Variants in SPEN observed in about 807,000 individuals in gnomAD.
The protein encoded by SPEN is spen family transcriptional repressor, also known as msx2-interacting protein.
A neutral mutation model predicts 269.9 loss-of-function variants in SPEN; 18 were observed. The observed-to-expected ratio is 0.07, with a 90% CI of 0.05 to 0.10. The LOEUF is 0.10. Among genes scored for constraint, SPEN ranks in the 10% least tolerant of loss-of-function variants. The probability of loss-of-function intolerance (pLI) is 1.00; values close to 1 mark genes in which losing one functional copy is unlikely to be tolerated. For synonymous variants in SPEN, 1,726 were observed against 1,765.7 expected, an observed-to-expected ratio of 0.98 and a Z score of 0.56; for missense variants, 3,822 against 4,631.2, an observed-to-expected ratio of 0.83 and a Z score of 5.07.
At position 15,939,336 on chromosome 1, in the gene SPEN, C is replaced by G. The variant is rs1451947206; in HGVS notation, c.10904C>G (p.Ser3635Cys). ...VLQIFPPCEFSESHLSRLAPD... is the reference protein window; with the variant it reads ...VLQIFPPCEFCESHLSRLAPD... Reference sequence around the variant, plus strand: ...CAGATCTTCCCGCCCTGTGAGTTCTCTGAGAGTCACCTGTCCCGCCTGGCC... The same window carrying G: ...CAGATCTTCCCGCCCTGTGAGTTCTGTGAGAGTCACCTGTCCCGCCTGGCC... Residue 3635 changes from serine (S) to cysteine (C), a missense_variant, in exon 15 of 15, where the codon TCT becomes TGT. Physicochemically the swap from Ser to Cys is moderately radical, Grantham distance 112. This residue lies in a region of SPEN where 103 missense variants were observed against 215.8 expected (regional missense o/e 0.48). Transcript: ENST00000375759. This position sits in a 1 kb window ranked among gnomAD's most constrained non-coding sequence, Gnocchi z 4.1. 1 of 1,606,382 alleles carries G rather than the reference C, an allele frequency of 6.2e-7. No homozygotes were observed.
chr1:15,932,479 C>G lies in SPEN; in HGVS notation c.6239C>G (p.Ser2080Cys). ...EKNSKSKRGR[S>C]RNSRLAVDKS... The stretch of plus-strand genomic sequence containing the variant: ...AACTCCAAATCAAAGAGAGGAAGAT[C>G]TCGAAACTCCAGGTTAGCAGTGGAC... The change falls in exon 11 of 15, where the codon TCT becomes TGT. Residue 2080 changes from serine to cysteine, a missense_variant. Ser to Cys is a moderately radical substitution (Grantham distance 112, BLOSUM62 -1). This residue lies in a region of SPEN where 727 missense variants were observed against 737.9 expected (regional missense o/e 0.99). Coordinates refer to ENST00000375759, the MANE Select transcript of SPEN (RefSeq NM_015001.3). The surrounding 1 kb of genome is among the most constrained non-coding windows in gnomAD (Gnocchi z 4.2). 6.2e-7 allele frequency: 1 copy of G among 1,611,390 alleles called. No homozygotes were observed. Among genetic ancestry groups the G allele is most frequent in the Non-Finnish European group, 8.5e-7 (1 of 1,179,078 alleles).
intron 2 of SPEN, among the ~76,000 whole-genome samples, chr1:15,875,344 T>A (rs2070620414): frequency 6.6e-6 from 1 of 152,148 alleles, no homozygotes; most frequent in Non-Finnish European, 1.5e-5. Context: ...TGTTACCTAA[T>A]TTCATCACAG....
intron 3 of SPEN, among the ~76,000 whole-genome samples, chr1:15,903,769 A>G (rs1345526170): frequency 1.3e-5 from 2 of 152,176 alleles, no homozygotes; most frequent in African/African-American, 4.8e-5. Context: ...AGCTGGGACT[A>G]TGCACTGTGC....
chr1:15,899,953 C>T (rs373273756), intron 3 of SPEN, among the ~76,000 whole-genome samples: 1 of 151,988 alleles, frequency 6.6e-6, no homozygotes, highest in East Asian at 1.9e-4. Flanking sequence ...TCAAGCAGTT[C>T]TCCTGCCTCA....
chr1:15,937,435 C>G lies in SPEN; in HGVS notation c.10299C>G (p.Ser3433=), dbSNP rs1557763882. The change falls in exon 12 of 15, where the codon TCC becomes TCG. Residue 3433 remains serine, a synonymous_variant. Transcript: ENST00000375759. This position sits in a 1 kb window ranked among gnomAD's most constrained non-coding sequence, Gnocchi z 5.7. The stretch of plus-strand genomic sequence containing the variant: ...AAACAGGCCCGACTTCCTTCCCCTC[C>G]CCTGTGTCTGTCTCCATGAAGCCTG... The part of the protein sequence containing the change: ...QAETGPTSFP[S]PVSVSMKPDL... The G allele has an allele frequency of 5.6e-6, 9 of 1,613,840 alleles. No homozygotes were observed. Among genetic ancestry groups the G allele is most frequent in the Middle Eastern group, 1.7e-4 (1 of 6,060 alleles).
rs1193817785 is a variant in SPEN at position 15,875,039 on chromosome 1, C to T, written c.405-1163C>T. Reference sequence around the variant, plus strand: ...TCTAATTCTTTATGTTTCATGATTCCTTAATCCCTTTTGATAGAAGATAGA... The same window carrying T: ...TCTAATTCTTTATGTTTCATGATTCTTTAATCCCTTTTGATAGAAGATAGA... On this transcript the variant is annotated intron_variant, in intron 2 of 14. Transcript: ENST00000375759. Among the ~76,000 whole-genome samples, 4 of 151,950 alleles carry T rather than the reference C, an allele frequency of 2.6e-5. No homozygotes were observed. In the East Asian group the frequency reaches 7.7e-4, roughly 29 times the overall value.
At position 15,934,368 on chromosome 1, in the gene SPEN, CCAGTGAACGCCACGGTGGGCA is replaced by C. The variant is rs758259669; in HGVS notation, c.8136_8156del (p.Thr2714_Ala2720del). 6.2e-6 allele frequency: 10 copies of C among 1,613,478 alleles called. No individual in the cohort carries two copies. In the African/African-American group the frequency reaches 1.3e-4, roughly 22 times the overall value. ...GGGGCCAGTGAATGTTCTCACCACT[CCAGTGAACGCCACGGTGGGCA>C]CAGTGAATGCCGCCCCAGGCACAGT... On this transcript the variant is annotated inframe_deletion, in exon 11 of 15. Transcript: ENST00000375759. This position sits in a 1 kb window ranked among gnomAD's most constrained non-coding sequence, Gnocchi z 9.2.
At chr1:15,849,771 G>A (rs1239733432) in intron 1 of SPEN, among the ~76,000 whole-genome samples, 1 of 152,042 alleles carries the variant, frequency 6.6e-6, no homozygotes, top group African/African-American at 2.4e-5. Flanking sequence ...CTCGAGTATC[G>A]TCAGTGTTTT....
intron 1 of SPEN, among the ~76,000 whole-genome samples, chr1:15,849,385 G>A (rs966257220): frequency 6.6e-6 from 1 of 152,256 alleles, no homozygotes; most frequent in Non-Finnish European, 1.5e-5. Flanking sequence ...AGCGGCGGCG[G>A]AGCTCCTGTC....
intron 3 of SPEN, among the ~76,000 whole-genome samples, chr1:15,893,775 G>A (rs1359829464): frequency 6.6e-6 from 1 of 152,110 alleles, no homozygotes; most frequent in African/African-American, 2.4e-5. Context: ...AGTGGCTCCC[G>A]CCGTAATCCC....
At chr1:15,918,602 T>C (rs2071088216) in intron 6 of SPEN, among the ~76,000 whole-genome samples, 1 of 152,258 alleles carries the variant, frequency 6.6e-6, no homozygotes, top group African/African-American at 2.4e-5. Flanking sequence ...TTTCATTAAA[T>C]AGCCTGCCTT....
rs1177361418 is a variant in SPEN at position 15,931,450 on chromosome 1, C to T, written c.5210C>T (p.Thr1737Ile). 3.1e-6 allele frequency: 5 copies of T among 1,614,170 alleles called. No homozygotes were observed. The African/African-American group carries it at 6.7e-5, about 22-fold the overall frequency. ...CCTTATCTGGATGCCAAGCCTCCAA[C>T]TCCCGGGGCCTCGTTTTCCCAGGCA... is the stretch of plus-strand genomic sequence containing the variant. ...QPPYLDAKPP[T>I]PGASFSQAES... is the part of the protein sequence containing the mutation. Residue 1737 changes from threonine to isoleucine, a missense_variant, in exon 11 of 15, where the codon ACT (threonine) becomes ATT (isoleucine). By Grantham distance (89) the Thr-to-Ile change is moderately conservative. Coordinates refer to ENST00000375759, the MANE Select transcript of SPEN (RefSeq NM_015001.3). This position sits in a 1 kb window ranked among gnomAD's most constrained non-coding sequence, Gnocchi z 4.8.
At chr1:15,860,996 C>T (rs550215720) in intron 1 of SPEN, among the ~76,000 whole-genome samples, 1 of 152,140 alleles carries the variant, frequency 6.6e-6, no homozygotes, top group African/African-American at 2.4e-5. Flanking sequence ...TCTCTGCCTC[C>T]TGGGTTCAAT....
intron 8 of SPEN, 148 bp downstream of exon 8, chr1:15,919,665 C>T: frequency 2.0e-6 from 1 of 489,650 alleles, no homozygotes; most frequent in Middle Eastern, 3.4e-4. Context: ...TCAATAAGGG[C>T]ATTTGCATCT....
chr1:15,890,800 C>T (rs1218617403), intron 3 of SPEN, among the ~76,000 whole-genome samples: 1 of 152,098 alleles, frequency 6.6e-6, no homozygotes, highest in African/African-American at 2.4e-5. Context: ...TCCCCCAGCC[C>T]AAGGCAACTG....
At chr1:15,890,385 C>T (rs995627471) in intron 3 of SPEN, among the ~76,000 whole-genome samples, 1 of 151,952 alleles carries the variant, frequency 6.6e-6, no homozygotes, top group Non-Finnish European at 1.5e-5. Flanking sequence ...GCACGCACCA[C>T]CACACCCAGC....
At position 15,936,642 on chromosome 1, in the gene SPEN, C is replaced by CAAAAAAA. The variant is rs60059470; in HGVS notation, c.10026+383_10026+389dup. ...CCAGTGACAGAGCGAGACCCAGTCT[C>CAAAAAAA]AAAAAAAAAAAAAGCCGGGCATAGT... On this transcript the variant is annotated intron_variant, in intron 11 of 14. Transcript: ENST00000375759. Among the ~76,000 whole-genome samples, 119 of 123,780 alleles carry CAAAAAAA rather than the reference C, an allele frequency of 9.6e-4. 7 individuals are homozygous for CAAAAAAA. Among genetic ancestry groups the CAAAAAAA allele is most frequent in the Non-Finnish European group, 1.4e-3 (82 of 59,284 alleles). The allele number at this position is 123,780 out of a possible 152,430, so 81.2% of individuals were successfully genotyped here.
In SPEN at chr1:15,919,437, G is replaced by C. The variant is rs760738868; in HGVS notation, c.1555G>C (p.Val519Leu). Residue 519 changes from valine to leucine, a missense_variant, in exon 8 of 15, where the codon GTG becomes CTG. By Grantham distance (32) the Val-to-Leu change is conservative. Around this residue, in one of 16 missense-constraint regions of SPEN, gnomAD observed 230 missense variants for 426.1 expected, o/e 0.54. Coordinates refer to ENST00000375759, the MANE Select transcript of SPEN (RefSeq NM_015001.3). ...TGGAAAGAGCATGCCTACAAACTGC[G>C]TGTGGCTAGATGGGCTTTCTTCGAA... is the stretch of plus-strand genomic sequence containing the variant. ...GFGKSMPTNC[V>L]WLDGLSSNVS... 6.2e-7 allele frequency: 1 copy of C among 1,606,914 alleles called. No homozygotes were observed. The highest frequency in any genetic ancestry group is 1.3e-5 in the African/African-American group (1 of 74,616).
intron 3 of SPEN, among the ~76,000 whole-genome samples, chr1:15,891,586 G>A (rs572589437): frequency 1.6e-4 from 25 of 152,036 alleles, no homozygotes; most frequent in African/African-American, 5.5e-4. Flanking sequence ...TCCTGACCTC[G>A]TGATCTGCCC....
Sources: allele counts gnomAD v4.1 joint callset (sites outside exome capture counted in the v4.1 genomes callset), GRCh38; gene constraint gnomAD v4.1.1; regional missense constraint gnomAD v4.1.1; non-coding constraint Gnocchi (gnomAD v3.1); transcripts MANE v1.5; gene names NCBI Gene and HGNC (gene_info 2026-07-23, HGNC 2026-07-21).